The following BCL2L13 variants were observed in gnomAD, a reference collection of about 807,000 sequenced individuals.
BCL2L13 encodes the protein BCL2 like 13, also known as bcl-2-like protein 13.
Under a neutral mutation model 25.8 loss-of-function variants are expected in BCL2L13, and 13 were observed. The ratio of observed to expected loss-of-function variants is 0.50; its 90% CI spans 0.33 to 0.80. The LOEUF (loss-of-function observed/expected upper bound fraction) is 0.80, where lower values mean the gene tolerates loss of function less well. Among genes scored for constraint, BCL2L13 ranks in the 30% least tolerant of loss-of-function variants. BCL2L13 has a pLI of 0.02. For missense variants in BCL2L13, 504 were observed against 574.9 expected, an observed-to-expected ratio of 0.88 and a Z score of 1.26; for synonymous variants, 244 against 230.3, an observed-to-expected ratio of 1.06 and a Z score of -0.54.
intron 1 of BCL2L13, among the ~76,000 whole-genome samples, chr22:17,652,021 C>G (rs1224009796): frequency 6.6e-6 from 1 of 152,078 alleles, no homozygotes; most frequent in Admixed American, 6.6e-5. Flanking sequence ...ACTGCTTGTT[C>G]TGTATCACTA....
Position 17,729,241 on chromosome 22 carries a change from T to C in BCL2L13, c.*1707T>C, listed in dbSNP as rs1379233156. On this transcript the variant is annotated 3_prime_UTR_variant, in exon 7 of 7. Transcript: ENST00000317582. ...TTGGTCAAAACAAGGTCTGGGAGTA[T>C]GTTTGTGTGTCTTTCCAGCTTTATC... 1 of 152,166 alleles carries C rather than the reference T, an allele frequency of 6.6e-6. No homozygotes were observed. Among genetic ancestry groups the C allele is most frequent in the Non-Finnish European group, 1.5e-5 (1 of 68,038 alleles). The allele number at this position is 152,166 out of a possible 1,614,324, so 9.4% of individuals were successfully genotyped here.
At chr22:17,710,880 A>G (rs1475848371) in intron 6 of BCL2L13, among the ~76,000 whole-genome samples, 2 of 151,938 alleles carry the variant, frequency 1.3e-5, no homozygotes, top group Non-Finnish European at 2.9e-5. Context: ...CCGTCTCAAA[A>G]AAAATAAAAA....
intron 6 of BCL2L13, among the ~76,000 whole-genome samples, chr22:17,713,716 T>TC (rs1404559052): frequency 6.6e-6 from 1 of 151,394 alleles, no homozygotes; most frequent in African/African-American, 2.4e-5. Flanking sequence ...CACCTCAGCC[T>TC]CCCAAAGTGC....
At chr22:17,689,197 A>T in intron 4 of BCL2L13, 55 bp downstream of exon 4, 1 of 1,570,370 alleles carries the variant, frequency 6.4e-7, no homozygotes, top group Non-Finnish European at 8.7e-7. Context: ...TGGATCTCTC[A>T]TGCAGCACTG....
In BCL2L13 at chr22:17,727,734, G is replaced by T. The variant is rs984104402; in HGVS notation, c.*200G>T. ...ATTCATCTGACTGTAAATCCCAAGG[G>T]CCTCCGCTCATGCTAAATTGAGAAT... On this transcript the variant is annotated 3_prime_UTR_variant, in exon 7 of 7. Transcript: ENST00000317582. The T allele has an allele frequency of 1.2e-5, 8 of 693,376 alleles. No individual in the cohort carries two copies. The Admixed American group carries it at 1.8e-4, about 15-fold the overall frequency. The allele number at this position is 693,376 out of a possible 1,614,324, so 43.0% of individuals were successfully genotyped here.
At chr22:17,640,482 G>A (rs557683143) in intron 1 of BCL2L13, among the ~76,000 whole-genome samples, 16 of 152,142 alleles carry the variant, frequency 1.1e-4, no homozygotes, top group Non-Finnish European at 2.4e-4. Flanking sequence ...GTGTTTACTA[G>A]CACATAATCT....
intron 2 of BCL2L13, among the ~76,000 whole-genome samples, chr22:17,664,411 A>C (rs2059170005): frequency 1.2e-5 from 1 of 81,474 alleles, no homozygotes; most frequent in Non-Finnish European, 2.8e-5. Context: ...CAGCATATAT[A>C]GCCACCCCCC....
At chr22:17,695,367 A>ACTG (rs2060233936) in intron 4 of BCL2L13, among the ~76,000 whole-genome samples, 1 of 151,978 alleles carries the variant, frequency 6.6e-6, no homozygotes, top group African/African-American at 2.4e-5. Context: ...AACTCCCAAC[A>ACTG]CTGGAGTTCA....
intron 1 of BCL2L13, among the ~76,000 whole-genome samples, chr22:17,631,209 G>GC (rs2058007003): frequency 6.6e-6 from 1 of 151,316 alleles, no homozygotes; most frequent in African/African-American, 2.4e-5. Context: ...AGATTTTCCT[G>GC]CCTCAGCCTC....
intron 6 of BCL2L13, chr22:17,706,744 A>G (rs2145733629): frequency 7.4e-7 from 1 of 1,351,684 alleles, no homozygotes; most frequent in Non-Finnish European, 9.8e-7. Flanking sequence ...CTCCCTCCTC[A>G]TTCTCTTTTC....
chr22:17,696,247 AGT>A (rs1283425460), intron 5 of BCL2L13, 37 bp downstream of exon 5: 2 of 1,541,392 alleles, frequency 1.3e-6, no homozygotes, highest in Non-Finnish European at 1.8e-6. Context: ...AAAAGATTTT[AGT>A]GTGTTAATGA....
chr22:17,656,251 A>AT lies in BCL2L13; in HGVS notation c.121+419_121+420insT, dbSNP rs796239379. The stretch of plus-strand genomic sequence containing the variant: ...TGAGACTCCATCTCAAAAAAAAAAA[A>AT]ATATACACAAAAAAGAATAACCCGT... On this transcript the variant is annotated intron_variant, in intron 2 of 6. Transcript: ENST00000317582. Among the ~76,000 whole-genome samples, 99 of 150,150 alleles carry AT rather than the reference A, an allele frequency of 6.6e-4. 1 individual carries two copies. The highest frequency in any genetic ancestry group is 3.1e-3 in the East Asian group (16 of 5,100).
At chr22:17,647,904 G>A (rs767562573) in intron 1 of BCL2L13, among the ~76,000 whole-genome samples, 5 of 152,096 alleles carry the variant, frequency 3.3e-5, no homozygotes, top group Admixed American at 6.6e-5. Flanking sequence ...CAAGGTGGGC[G>A]GATCGGGAGA....
chr22:17,703,781 T>C (rs545124288), intron 6 of BCL2L13: 1 of 152,288 alleles, frequency 6.6e-6, no homozygotes, highest in South Asian at 2.1e-4. Flanking sequence ...ATTGCGACAA[T>C]TTATTGTTAT....
chr22:17,722,378 G>T (rs2535683), intron 6 of BCL2L13, among the ~76,000 whole-genome samples: 51,378 of 121,972 alleles, frequency 0.42, 10,844 homozygotes, highest in East Asian at 0.7. Flanking sequence ...AGACTACAGG[G>T]GTGTGTGTGT....
At chr22:17,693,408 C>A in intron 4 of BCL2L13, among the ~76,000 whole-genome samples, 1 of 122,178 alleles carries the variant, frequency 8.2e-6, no homozygotes, top group Non-Finnish European at 1.6e-5. Flanking sequence ...GAGACGGAGT[C>A]TCGCTCTGTC....
intron 2 of BCL2L13, among the ~76,000 whole-genome samples, chr22:17,656,883 A>G (rs766994426): frequency 3.3e-5 from 5 of 151,940 alleles, no homozygotes; most frequent in Admixed American, 2.0e-4. Flanking sequence ...TAATGGCATG[A>G]TTTTGGCTCA....
At chr22:17,701,271 A>G (rs534904342) in intron 5 of BCL2L13, among the ~76,000 whole-genome samples, 1 of 152,340 alleles carries the variant, frequency 6.6e-6, no homozygotes, top group African/African-American at 2.4e-5. Context: ...ATTTTCAAAT[A>G]ATAAAAGCAC....
chr22:17,680,529 AAAAAAAAAAAAAG>A lies in BCL2L13; in HGVS notation c.122-2677_122-2665del, dbSNP rs1402016445. On this transcript the variant is annotated intron_variant, in intron 2 of 6. Coordinates refer to ENST00000317582, the MANE Select transcript of BCL2L13 (RefSeq NM_015367.4). Reference sequence around the variant, plus strand: ...TCTGTCTCAAAAAAAAAAAAAAAAAAAAAAAAAAAAAAGAAAAAAAGACTCATACCTAGAAAGG... The same window carrying A: ...TCTGTCTCAAAAAAAAAAAAAAAAAAAAAAAAAGACTCATACCTAGAAAGG... Among the ~76,000 whole-genome samples the A allele has an allele frequency of 1.7e-3, 138 of 79,824 alleles. 8 individuals carry two copies. The highest frequency in any genetic ancestry group is 4.9e-3 in the African/African-American group (108 of 22,054). The allele number at this position is 79,824 out of a possible 152,430, so 52.4% of individuals were successfully genotyped here. A position where few individuals can be genotyped will look rare whatever the true frequency, so the allele number is the denominator to read the frequency against.
Sources: gnomAD v4.1 joint callset for allele counts (sites outside exome capture counted in the v4.1 genomes callset) on GRCh38, gnomAD v4.1.1 for gene constraint, MANE v1.5 for transcripts, NCBI Gene and HGNC (gene_info 2026-07-23, HGNC 2026-07-21) for gene names.